Variants in HNRNPH3 observed in about 807,000 individuals in gnomAD.
HNRNPH3 encodes the protein heterogeneous nuclear ribonucleoprotein H3.
In HNRNPH3, 7 loss-of-function variants were observed where a neutral mutation model predicts 47.0. The observed-to-expected ratio is 0.15, with a 90% CI of 0.08 to 0.28. The LOEUF (loss-of-function observed/expected upper bound fraction) is 0.28. HNRNPH3 is among the 10% of genes least tolerant of loss of function. HNRNPH3 has a pLI of 1.00. For synonymous variants in HNRNPH3, 120 were observed against 143.2 expected, an observed-to-expected ratio of 0.84 and a Z score of 1.16; for missense variants, 279 against 449.6, an observed-to-expected ratio of 0.62 and a Z score of 3.43.
At chr10:68,339,056 T>TA (rs140603489) in intron 4 of HNRNPH3, 84 bp from the exon 5 acceptor site, 44,873 of 1,105,432 alleles carry the variant, frequency 0.041, 1,089 homozygotes, top group Middle Eastern at 0.059. Flanking sequence ...CACAGACTGT[T>TA]ACCACAAAAT....
chr10:68,340,954 A>G (rs1006306063), intron 6 of HNRNPH3, among the ~76,000 whole-genome samples: 1 of 152,170 alleles, frequency 6.6e-6, no homozygotes, highest in Admixed American at 6.5e-5. Context: ...GGCGTGAGCC[A>G]CTGCGCCCTG....
rs2045582015 is a variant in HNRNPH3, at chr10:68,337,069, T to C, written c.-23-130T>C. Reference sequence around the variant, plus strand: ...TGAAAGGTGGTCTACAATTTTGTTGTGGCATTGTCACAGCAGTTGGCCCCA... The same window carrying C: ...TGAAAGGTGGTCTACAATTTTGTTGCGGCATTGTCACAGCAGTTGGCCCCA... On this transcript the variant is annotated intron_variant, in intron 1 of 9. Coordinates refer to ENST00000265866, the MANE Select transcript of HNRNPH3 (RefSeq NM_012207.3). The surrounding 1 kb of genome is among the most constrained non-coding windows in gnomAD (Gnocchi z 4.5). 2 of 508,506 alleles carry C rather than the reference T, an allele frequency of 3.9e-6. No homozygotes were observed. The highest frequency in any genetic ancestry group is 7.0e-6 in the Non-Finnish European group (2 of 284,240). The allele number at this position is 508,506 out of a possible 1,614,324, so 31.5% of individuals were successfully genotyped here. A position where few individuals can be genotyped will look rare whatever the true frequency, so the allele number is the denominator to read the frequency against.
Position 68,339,539 on chromosome 10 carries a change from A to G in HNRNPH3, c.623A>G (p.Glu208Gly), listed in dbSNP as rs1363215611. 3 of 1,607,892 alleles carry G rather than the reference A, an allele frequency of 1.9e-6. No homozygotes were observed. Among genetic ancestry groups the G allele is most frequent in the Non-Finnish European group, 2.6e-6 (3 of 1,174,388 alleles). Residue 208 changes from glutamate (E) to glycine (G), a missense_variant, in exon 6 of 10, where the codon GAA becomes GGA. Glu to Gly is a moderately conservative substitution (Grantham distance 98). This residue lies in a region of HNRNPH3 where 239 missense variants were observed against 335.8 expected (regional missense o/e 0.71). Transcript: ENST00000265866. Reference protein sequence around the residue: ...HMRGLPFRATENDIANFFSPL... With the variant: ...HMRGLPFRATGNDIANFFSPL... ...AGAGGGTTGCCTTTTCGTGCAACTG[A>G]AAATGACATTGCTAATGTGAGTAAT... is the stretch of plus-strand genomic sequence containing the variant.
At chr10:68,339,690 C>CT (rs1450108750) in intron 6 of HNRNPH3, 135 bp downstream of exon 6, 8 of 601,664 alleles carry the variant, frequency 1.3e-5, no homozygotes, top group East Asian at 3.0e-5. Context: ...ACCTTTAATT[C>CT]TTTTTTTGAG....
chr10:68,333,500 A>T (rs80329756), intron 1 of HNRNPH3, among the ~76,000 whole-genome samples: 1 of 152,306 alleles, frequency 6.6e-6, no homozygotes, highest in East Asian at 1.9e-4. Flanking sequence ...AAAATACTTC[A>T]AAATACGGTT....
chr10:68,333,471 G>C (rs892307246), intron 1 of HNRNPH3, among the ~76,000 whole-genome samples: 1 of 151,872 alleles, frequency 6.6e-6, no homozygotes, highest in Non-Finnish European at 1.5e-5. Flanking sequence ...TTTTCCGATG[G>C]CATTAAGGCT....
In HNRNPH3 at chr10:68,341,966, C is replaced by T. The variant is rs376044047; in HGVS notation, c.965-12C>T. ...TCTCCTGCTGAGTGATTCTTAATAT[C>T]TTTTTCTTAAGGCCGTGGTGGTGGA... On this transcript the variant is annotated splice_polypyrimidine_tract_variant and intron_variant, in intron 9 of 9. Coordinates refer to ENST00000265866, the MANE Select transcript of HNRNPH3 (RefSeq NM_012207.3). The T allele has an allele frequency of 5.1e-5, 82 of 1,613,204 alleles. No homozygotes were observed. In the African/African-American group the frequency reaches 9.9e-4, roughly 19 times the overall value.
intron 5 of HNRNPH3, 84 bp downstream of exon 5, chr10:68,339,310 T>C (rs2045709242): frequency 3.2e-6 from 5 of 1,568,492 alleles, no homozygotes; most frequent in Non-Finnish European, 4.3e-6. Flanking sequence ...TATAGGAAAC[T>C]TGTATAAAGT....
Position 68,338,058 on chromosome 10 carries a change from T to C in HNRNPH3, c.251+62T>C, listed in dbSNP as rs1036543101. ...ATTTTTGGGGGTTGTGGGTCACTAT[T>C]GCTTAAATGGGGGGGTAGCCATAAC... On this transcript the variant is annotated intron_variant, in intron 3 of 9. Transcript: ENST00000265866. 3 of 1,279,172 alleles carry C rather than the reference T, an allele frequency of 2.3e-6. No individual in the cohort carries two copies. The East Asian group carries it at 7.3e-5, about 31-fold the overall frequency. The allele number at this position is 1,279,172 out of a possible 1,614,324, so 79.2% of individuals were successfully genotyped here.
intron 6 of HNRNPH3, among the ~76,000 whole-genome samples, chr10:68,340,406 C>T (rs1000242351): frequency 2.0e-5 from 3 of 152,150 alleles, no homozygotes; most frequent in Non-Finnish European, 4.4e-5. Context: ...TGATTAGAAA[C>T]TGAGGAGTTG....
Position 68,341,181 on chromosome 10 carries a change from C to T in HNRNPH3, c.647C>T (p.Ser216Leu). ...GTGTTTCCTTTTATTTAGTTCTTCTCACCACTAAATCCAATACGAGTTCAT... is the reference window on the plus strand; with the variant it reads ...GTGTTTCCTTTTATTTAGTTCTTCTTACCACTAAATCCAATACGAGTTCAT... ...ATENDIANFF[S>L]PLNPIRVHID... Residue 216 changes from serine (S) to leucine (L), a missense_variant, in exon 7 of 10, where the codon TCA (serine) becomes TTA (leucine). Coordinates refer to ENST00000265866, the MANE Select transcript of HNRNPH3 (RefSeq NM_012207.3). 1 of 1,559,922 alleles carries T rather than the reference C, an allele frequency of 6.4e-7. No homozygotes were observed. The highest frequency in any genetic ancestry group is 8.6e-7 in the Non-Finnish European group (1 of 1,158,618).
chr10:68,341,090 A>C, intron 6 of HNRNPH3, 84 bp from the exon 7 acceptor site: 3 of 974,666 alleles, frequency 3.1e-6, no homozygotes, highest in East Asian at 5.1e-5. Flanking sequence ...GGTTTGTTTT[A>C]ATTGATGAGG....
intron 1 of HNRNPH3, among the ~76,000 whole-genome samples, chr10:68,335,531 A>C (rs1589701174): frequency 6.6e-6 from 1 of 152,192 alleles, no homozygotes; most frequent in South Asian, 2.1e-4. Flanking sequence ...TACTCTTTAG[A>C]ATAGTATTAA....
At position 68,338,571 on chromosome 10, in the gene HNRNPH3, T is replaced by C; in HGVS notation, c.320T>C (p.Leu107Pro). ...KGFYDPPRRLLGQRPGPYDRP... is the reference protein window; with the variant it reads ...KGFYDPPRRLPGQRPGPYDRP... ...TTTTATGATCCACCAAGAAGATTGC[T>C]GGGACAGCGACCGGGACCATATGAT... The change falls in exon 4 of 10, where the codon CTG (leucine) becomes CCG (proline). Residue 107 changes from leucine to proline, a missense_variant. Leu to Pro is a moderately conservative substitution (Grantham distance 98). This residue lies in a region of HNRNPH3 where 239 missense variants were observed against 335.8 expected (regional missense o/e 0.71). Coordinates refer to ENST00000265866, the MANE Select transcript of HNRNPH3 (RefSeq NM_012207.3). 1 of 1,613,050 alleles carries C rather than the reference T, an allele frequency of 6.2e-7. No homozygotes were observed. The highest frequency in any genetic ancestry group is 8.5e-7 in the Non-Finnish European group (1 of 1,179,304).
rs1212026756 is a variant in HNRNPH3 at position 68,337,801 on chromosome 10, A to C, written c.113-57A>C. On this transcript the variant is annotated intron_variant, in intron 2 of 9. Transcript: ENST00000265866. This position sits in a 1 kb window ranked among gnomAD's most constrained non-coding sequence, Gnocchi z 4.5. The stretch of plus-strand genomic sequence containing the variant: ...TTTTAAATATTTGATTCAGATGGGA[A>C]TGTTTCAGCCTTTAACACTGTTCCC... 2 of 1,412,944 alleles carry C rather than the reference A, an allele frequency of 1.4e-6. No homozygotes were observed. Among genetic ancestry groups the C allele is most frequent in the Non-Finnish European group, 9.7e-7 (1 of 1,027,704 alleles). 87.5% of individuals were successfully genotyped at this position (1,412,944 alleles called of 1,614,324 possible). A position where few individuals can be genotyped will look rare whatever the true frequency, so the allele number is the denominator to read the frequency against.
rs935412767 is a variant in HNRNPH3, at chr10:68,337,448, T to C, written c.112+115T>C. 2.6e-5 allele frequency: 17 copies of C among 655,742 alleles called. No homozygotes were observed. The South Asian group carries it at 3.1e-4, about 12-fold the overall frequency. 40.6% of individuals were successfully genotyped at this position (655,742 alleles called of 1,614,324 possible). ...TTGGAACTTTTAAGTTTAACTATGA[T>C]AGTCTTGGTTAATGTATTAAAATAA... is the stretch of plus-strand genomic sequence containing the variant. On this transcript the variant is annotated intron_variant, in intron 2 of 9. Coordinates refer to ENST00000265866, the MANE Select transcript of HNRNPH3 (RefSeq NM_012207.3). This position sits in a 1 kb window ranked among gnomAD's most constrained non-coding sequence, Gnocchi z 4.5.
chr10:68,341,423 C>T, intron 7 of HNRNPH3, 114 bp downstream of exon 7: 3 of 1,173,198 alleles, frequency 2.6e-6, no homozygotes, highest in Non-Finnish European at 2.5e-6. Flanking sequence ...AACCATTTGA[C>T]CTCTATAATG....
At chr10:68,333,455 GT>G (rs5785858) in intron 1 of HNRNPH3, among the ~76,000 whole-genome samples, 150,547 of 152,076 alleles carry the variant, frequency 0.99, 74,530 homozygotes, top group East Asian at 1. Flanking sequence ...ATTTTGTGCA[GT>G]TTTTTTTTCC....
intron 3 of HNRNPH3, 56 bp downstream of exon 3, chr10:68,338,052 C>A: frequency 1.1e-5 from 16 of 1,394,250 alleles, no homozygotes; most frequent in Non-Finnish European, 1.5e-5. Flanking sequence ...GGTTGTGGGT[C>A]ACTATTGCTT....
Sources: allele counts gnomAD v4.1 joint callset (sites outside exome capture counted in the v4.1 genomes callset), GRCh38; gene constraint gnomAD v4.1.1; regional missense constraint gnomAD v4.1.1; non-coding constraint Gnocchi (gnomAD v3.1); transcripts MANE v1.5; gene names NCBI Gene and HGNC (gene_info 2026-07-23, HGNC 2026-07-21).